The following PCDHGA7 variants were observed in gnomAD, a reference collection of about 807,000 sequenced individuals.
PCDHGA7 encodes protocadherin gamma subfamily A, 7, also known as protocadherin gamma-A7.
In PCDHGA7, 44 loss-of-function variants were observed where a neutral mutation model predicts 58.3. The observed-to-expected ratio is 0.75, with a 90% CI of 0.59 to 0.97. PCDHGA7 has a LOEUF of 0.97. PCDHGA7 is among the 50% of genes least tolerant of loss of function. The pLI, the probability that PCDHGA7 is intolerant of heterozygous loss-of-function variation, is 0.00. For synonymous variants in PCDHGA7, 516 were observed against 504.2 expected, an observed-to-expected ratio of 1.02 and a Z score of -0.31; for missense variants, 1,266 against 1,188.7, an observed-to-expected ratio of 1.06 and a Z score of -0.96.
rs750164473 is a variant in PCDHGA7 at position 141,432,286 on chromosome 5, C to G, written c.2424+46963C>G. Reference sequence around the variant, plus strand: ...TATCGTCCTACGTGTCCATCAACTCCGACACTGGGGTACTGTATGCGCTGA... The same window carrying G: ...TATCGTCCTACGTGTCCATCAACTCGGACACTGGGGTACTGTATGCGCTGA... On this transcript the variant is annotated intron_variant, in intron 1 of 3. Transcript: ENST00000518325. This position sits in a 1 kb window ranked among gnomAD's most constrained non-coding sequence, Gnocchi z 6.0. The G allele has an allele frequency of 6.2e-7, 1 of 1,614,252 alleles. No homozygotes were observed. The highest frequency in any genetic ancestry group is 1.3e-5 in the African/African-American group (1 of 75,070).
chr5:141,387,765 T>C, intron 1 of PCDHGA7: 1 of 1,431,622 alleles, frequency 7.0e-7, no homozygotes, highest in East Asian at 2.5e-5. Flanking sequence ...AAAAGAAGAA[T>C]TTTTTCTTGA....
Position 141,477,202 on chromosome 5 carries a change from C to G in PCDHGA7, c.2425-17605C>G. 1 of 1,614,182 alleles carries G rather than the reference C, an allele frequency of 6.2e-7. No homozygotes were observed. The highest frequency in any genetic ancestry group is 1.1e-5 in the South Asian group (1 of 91,074). On this transcript the variant is annotated intron_variant, in intron 1 of 3. Transcript: ENST00000518325. This position sits in a 1 kb window ranked among gnomAD's most constrained non-coding sequence, Gnocchi z 4.9. ...TCACCTCCGTGTACAGCCCAGTACC[C>G]GAGGATGCCCCTCTGGGGACTGTCA...
In PCDHGA7 at chr5:141,417,676, C is replaced by G. The variant is rs902104404; in HGVS notation, c.2424+32353C>G. The G allele has an allele frequency of 1.7e-5, 17 of 993,450 alleles. No individual in the cohort carries two copies. The African/African-American group carries it at 2.8e-4, about 16-fold the overall frequency. The allele number at this position is 993,450 out of a possible 1,614,324, so 61.5% of individuals were successfully genotyped here. ...AGCCTGGGATTCCCTGCGCAGCCAACAACAGAAAAGAAAACCAGCTCCCAC... is the reference window on the plus strand; with the variant it reads ...AGCCTGGGATTCCCTGCGCAGCCAAGAACAGAAAAGAAAACCAGCTCCCAC... On this transcript the variant is annotated intron_variant, in intron 1 of 3. Transcript: ENST00000518325.
At chr5:141,390,008 C>G in intron 1 of PCDHGA7, 1 of 1,614,038 alleles carries the variant, frequency 6.2e-7, no homozygotes, top group South Asian at 1.1e-5. Context: ...TGATTCTGGC[C>G]ATTGCCTTGC....
Position 141,494,803 on chromosome 5 carries a change from A to G in PCDHGA7, c.2425-4A>G. On this transcript the variant is annotated splice_polypyrimidine_tract_variant and splice_region_variant and intron_variant, in intron 1 of 3. Transcript: ENST00000518325. ...CAGCCCCTTTCCCTCTGTTTTCTCC[A>G]CAGCAAGCCCCGCCCAACACGGACT... The G allele has an allele frequency of 6.2e-7, 1 of 1,613,646 alleles. No individual in the cohort carries two copies. Among genetic ancestry groups the G allele is most frequent in the Non-Finnish European group, 8.5e-7 (1 of 1,179,900 alleles).
At chr5:141,454,850 C>T (rs1208208678) in intron 1 of PCDHGA7, among the ~76,000 whole-genome samples, 3 of 132,848 alleles carry the variant, frequency 2.3e-5, no homozygotes, top group Non-Finnish European at 4.6e-5. Flanking sequence ...CTCTGTCACC[C>T]AGGCTGGAGT....
chr5:141,477,263 G>A lies in PCDHGA7; in HGVS notation c.2425-17544G>A, dbSNP rs543767777. 1.4e-5 allele frequency: 23 copies of A among 1,614,192 alleles called. No individual in the cohort carries two copies. The highest frequency in any genetic ancestry group is 1.8e-5 in the Non-Finnish European group (21 of 1,180,046). On this transcript the variant is annotated intron_variant, in intron 1 of 3. Transcript: ENST00000518325. The surrounding 1 kb of genome is among the most constrained non-coding windows in gnomAD (Gnocchi z 4.9). The stretch of plus-strand genomic sequence containing the variant: ...CAGTGTGACTGACCTGGATGCTGGC[G>A]AGAACGGGCTGGTGACCTGCGAAGT...
In PCDHGA7 at chr5:141,486,128, G is replaced by C. The variant is rs1447222839; in HGVS notation, c.2425-8679G>C. ...TGAGAGTGAGAATTACTATGAATTT[G>C]ATGTGCGGGCTCGCGATGGGGGTTC... is the stretch of plus-strand genomic sequence containing the variant. On this transcript the variant is annotated intron_variant, in intron 1 of 3. Transcript: ENST00000518325. This position sits in a 1 kb window ranked among gnomAD's most constrained non-coding sequence, Gnocchi z 5.0. 6.2e-7 allele frequency: 1 copy of C among 1,614,066 alleles called. No homozygotes were observed. Among genetic ancestry groups the C allele is most frequent in the Non-Finnish European group, 8.5e-7 (1 of 1,180,034 alleles).
rs775122106 is a variant in PCDHGA7 at position 141,410,519 on chromosome 5, C to CT, written c.2424+25197dup. On this transcript the variant is annotated intron_variant, in intron 1 of 3. Coordinates refer to ENST00000518325, the MANE Select transcript of PCDHGA7 (RefSeq NM_018920.4). ...TAATTTCCTAAAATGCAGTGTGCCCCTACATTCCAATGAAGACATGGTTTG... is the reference window on the plus strand; with the variant it reads ...TAATTTCCTAAAATGCAGTGTGCCCCTTACATTCCAATGAAGACATGGTTTG... 5.9e-5 allele frequency: 95 copies of CT among 1,613,978 alleles called. 1 individual carries two copies. In the South Asian group the frequency reaches 1.0e-3, roughly 17 times the overall value.
At chr5:141,474,758 C>T (rs2099354200) in intron 1 of PCDHGA7, among the ~76,000 whole-genome samples, 1 of 152,210 alleles carries the variant, frequency 6.6e-6, no homozygotes, top group Non-Finnish European at 1.5e-5. Flanking sequence ...GACAAATATA[C>T]AGAAATAGTA....
rs767337670 is a variant in PCDHGA7 at position 141,433,083 on chromosome 5, A to G, written c.2424+47760A>G. 8.1e-6 allele frequency: 13 copies of G among 1,614,174 alleles called. 1 individual carries two copies. Among genetic ancestry groups the G allele is most frequent in the Non-Finnish European group, 9.3e-6 (11 of 1,180,024 alleles). ...CACCTGATCTTCCCCCAGCCCAACT[A>G]TGCAGACATGCTCGTCAGCCAGGAG... On this transcript the variant is annotated intron_variant, in intron 1 of 3. Coordinates refer to ENST00000518325, the MANE Select transcript of PCDHGA7 (RefSeq NM_018920.4).
At chr5:141,430,217 T>C (rs1055487905) in intron 1 of PCDHGA7, among the ~76,000 whole-genome samples, 1 of 150,102 alleles carries the variant, frequency 6.7e-6, no homozygotes, top group Non-Finnish European at 1.5e-5. Context: ...TATTATATTA[T>C]ATGATTTGTC....
chr5:141,408,568 G>A (rs1282391205), intron 1 of PCDHGA7: 2 of 1,613,936 alleles, frequency 1.2e-6, no homozygotes, highest in African/African-American at 2.7e-5. Flanking sequence ...TCATTGTGGT[G>A]ATTGAGGATG....
chr5:141,393,555 C>A lies in PCDHGA7; in HGVS notation c.2424+8232C>A. ...CCCGGTTTTTCCTCACCCGATTTAC[C>A]GAGTGAAAGTCCTTGAGAACATGCC... On this transcript the variant is annotated intron_variant, in intron 1 of 3. Transcript: ENST00000518325. The A allele has an allele frequency of 5.0e-6, 8 of 1,613,928 alleles. 1 individual carries two copies. Among genetic ancestry groups the A allele is most frequent in the Non-Finnish European group, 6.8e-6 (8 of 1,179,886 alleles).
rs764387936 is a variant in PCDHGA7, at chr5:141,383,388, C to A, written c.489C>A (p.Gly163=). The A allele has an allele frequency of 6.6e-5, 106 of 1,613,860 alleles. No homozygotes were observed. Among genetic ancestry groups the A allele is most frequent in the Non-Finnish European group, 8.6e-5 (102 of 1,179,904 alleles). The part of the protein sequence containing the change: ...PLSEAGDPDV[G]TNSLQSYQLS... ...GCGAGGCTGGGGATCCAGATGTGGG[C>A]ACGAACTCCCTCCAGAGTTACCAGC... The change falls in exon 1 of 4, where the codon GGC becomes GGA. Residue 163 remains glycine, a synonymous_variant. Transcript: ENST00000518325.
At chr5:141,410,787 T>C in intron 1 of PCDHGA7, 2 of 844,672 alleles carry the variant, frequency 2.4e-6, no homozygotes, top group South Asian at 4.4e-5. Flanking sequence ...TGTATTTGGT[T>C]CATAAGTTGC....
chr5:141,420,415 T>G, intron 1 of PCDHGA7: 1 of 1,217,298 alleles, frequency 8.2e-7, no homozygotes, highest in Non-Finnish European at 1.1e-6. Flanking sequence ...TTATCATTAT[T>G]AAAACAAAAG....
At chr5:141,404,323 C>G (rs777252767) in intron 1 of PCDHGA7, 24 of 1,613,756 alleles carry the variant, frequency 1.5e-5, no homozygotes, top group Non-Finnish European at 2.0e-5. Flanking sequence ...AAGCCTCCTA[C>G]TCAGTCTACC....
intron 2 of PCDHGA7, among the ~76,000 whole-genome samples, chr5:141,495,645 C>T (rs2099762719): frequency 6.6e-6 from 1 of 152,208 alleles, no homozygotes; most frequent in South Asian, 2.1e-4. Context: ...CATTTGTCTA[C>T]TTGCATTGAT....
Sources: gnomAD v4.1 joint callset for allele counts (sites outside exome capture counted in the v4.1 genomes callset) on GRCh38, gnomAD v4.1.1 for gene constraint, Gnocchi (gnomAD v3.1) non-coding constraint, MANE v1.5 for transcripts, NCBI Gene and HGNC (gene_info 2026-07-23, HGNC 2026-07-21) for gene names.